The following MYO3A variants were observed in gnomAD, a reference collection of about 807,000 sequenced individuals.
MYO3A encodes the protein myosin IIIA.
In MYO3A, 180 loss-of-function variants were observed where a neutral mutation model predicts 192.7. The ratio of observed to expected loss-of-function variants is 0.93; its 90% CI spans 0.83 to 1.06. MYO3A has a LOEUF of 1.06. Ranked by LOEUF, MYO3A falls within the 50% of genes least tolerant of loss-of-function variation. The pLI is 0.00. For synonymous variants in MYO3A, 628 were observed against 645.3 expected, an observed-to-expected ratio of 0.97 and a Z score of 0.41; for missense variants, 1,896 against 1,905.0, an observed-to-expected ratio of 1.00 and a Z score of 0.09.
At chr10:26,037,925 C>G (rs1009602325) in intron 10 of MYO3A, among the ~76,000 whole-genome samples, 6 of 152,162 alleles carry the variant, frequency 3.9e-5, no homozygotes, top group Admixed American at 3.9e-4. Flanking sequence ...GTCCCTCCCC[C>G]CAACATTAGG....
At chr10:26,135,912 G>C (rs1348673386) in intron 20 of MYO3A, among the ~76,000 whole-genome samples, 3 of 147,186 alleles carry the variant, frequency 2.0e-5, no homozygotes, top group Non-Finnish European at 4.5e-5. Flanking sequence ...GTTGCAGTGA[G>C]CTGAGACTGG....
At chr10:26,007,394 G>A (rs1365928173) in intron 6 of MYO3A, among the ~76,000 whole-genome samples, 1 of 148,830 alleles carries the variant, frequency 6.7e-6, no homozygotes, top group Non-Finnish European at 1.5e-5. Flanking sequence ...CAATCAGGGA[G>A]GAGAAGGAAA....
intron 31 of MYO3A, 98 bp downstream of exon 31, chr10:26,176,943 G>T (rs1458549187): frequency 7.2e-7 from 1 of 1,393,384 alleles, no homozygotes; most frequent in Non-Finnish European, 1.0e-6. Flanking sequence ...GATTTGAGGA[G>T]CCTGTGTCCT....
At chr10:26,173,551 T>C in intron 29 of MYO3A, 112 bp from the exon 30 acceptor site, 1 of 959,390 alleles carries the variant, frequency 1.0e-6, no homozygotes, top group Non-Finnish European at 1.6e-6. Flanking sequence ...TTTTGAGCTT[T>C]CTTTGTTCCT....
At chr10:26,159,148 G>A (rs1228217673) in intron 26 of MYO3A, among the ~76,000 whole-genome samples, 1 of 150,914 alleles carries the variant, frequency 6.6e-6, no homozygotes, top group Non-Finnish European at 1.5e-5. Flanking sequence ...CCGCCACCAC[G>A]CCCGGCTAAT....
chr10:26,122,863 T>G (rs1249346201), intron 18 of MYO3A, among the ~76,000 whole-genome samples: 1 of 152,194 alleles, frequency 6.6e-6, no homozygotes, highest in Middle Eastern at 3.2e-3. Context: ...ATGCCTAGCA[T>G]GTAGTAGACA....
At chr10:26,160,702 G>A (rs17666893) in intron 26 of MYO3A, among the ~76,000 whole-genome samples, 14,676 of 152,138 alleles carry the variant, frequency 0.096, 785 homozygotes, top group Non-Finnish European at 0.12. Context: ...ACTTGAAGGA[G>A]GGTACGGCTT....
intron 1 of MYO3A, among the ~76,000 whole-genome samples, chr10:25,935,325 G>GA (rs1345074122): frequency 6.2e-4 from 94 of 152,072 alleles, no homozygotes; most frequent in Non-Finnish European, 5.9e-5. Flanking sequence ...CCCCCTTCCA[G>GA]AAAAAAAATT....
intron 10 of MYO3A, among the ~76,000 whole-genome samples, chr10:26,054,659 A>C (rs139088330): frequency 4.4e-4 from 67 of 152,356 alleles, no homozygotes; most frequent in African/African-American, 1.6e-3. Context: ...AAATATAATC[A>C]TAAGAGTCCT....
intron 26 of MYO3A, chr10:26,165,729 A>C: frequency 2.8e-6 from 1 of 354,172 alleles, no homozygotes; most frequent in Non-Finnish European, 5.2e-6. Context: ...GCAGTCCTGC[A>C]CTTTTTAGTG....
intron 12 of MYO3A, among the ~76,000 whole-genome samples, chr10:26,069,124 C>T (rs1246728631): frequency 1.3e-5 from 2 of 151,958 alleles, no homozygotes; most frequent in South Asian, 2.1e-4. Flanking sequence ...TTATTGGTAA[C>T]GGCTCTACAT....
intron 32 of MYO3A, among the ~76,000 whole-genome samples, chr10:26,198,337 C>T (rs754795796): frequency 7.9e-5 from 12 of 152,118 alleles, no homozygotes; most frequent in South Asian, 4.1e-4. Flanking sequence ...TAGCGGAGTG[C>T]GCATGGCCTG....
intron 10 of MYO3A, among the ~76,000 whole-genome samples, chr10:26,062,984 T>C (rs1187198254): frequency 1.3e-5 from 2 of 152,024 alleles, no homozygotes; most frequent in Non-Finnish European, 2.9e-5. Context: ...AGAGGGAAAA[T>C]AGATATTGGA....
In MYO3A at chr10:26,000,150, G is replaced by A. The variant is rs113618954; in HGVS notation, c.508+2892G>A. On this transcript the variant is annotated intron_variant, in intron 6 of 34. Transcript: ENST00000642920. ...CTTTTCCTTATGATCCTCCGTGCTG[G>A]AACAGAGTAAGCAACTAATGAGTAA... is the stretch of plus-strand genomic sequence containing the variant. 6.6e-5 allele frequency among the ~76,000 whole-genome samples: 10 copies of A among 152,198 alleles called. 1 individual carries two copies. Among genetic ancestry groups the A allele is most frequent in the African/African-American group, 2.4e-4 (10 of 41,528 alleles).
chr10:26,144,437 C>T (rs2096176), intron 21 of MYO3A, among the ~76,000 whole-genome samples: 62,370 of 150,746 alleles, frequency 0.41, 13,080 homozygotes, highest in Middle Eastern at 0.52. Context: ...CTTAATTTCT[C>T]CTCAAATTGG....
In MYO3A at chr10:25,956,878, C is replaced by T. The variant is rs536909058; in HGVS notation, c.303+1870C>T. ...GTTCCCATTAGTTATTTTTCCTGAT[C>T]CTCACCATCTTCCCACCCTCTACCA... On this transcript the variant is annotated intron_variant, in intron 4 of 34. Coordinates refer to ENST00000642920, the MANE Select transcript of MYO3A (RefSeq NM_017433.5). Among the ~76,000 whole-genome samples the T allele has an allele frequency of 5.9e-5, 9 of 152,150 alleles. 1 individual carries two copies. Among genetic ancestry groups the T allele is most frequent in the East Asian group, 5.8e-4 (3 of 5,174 alleles).
intron 26 of MYO3A, among the ~76,000 whole-genome samples, chr10:26,161,565 A>G (rs1452507232): frequency 6.6e-6 from 1 of 151,990 alleles, no homozygotes; most frequent in African/African-American, 2.4e-5. Context: ...TTGAATCCCA[A>G]CTCTGCCACT....
intron 6 of MYO3A, among the ~76,000 whole-genome samples, chr10:26,001,460 C>CA (rs1368416326): frequency 6.6e-6 from 1 of 152,212 alleles, no homozygotes; most frequent in Non-Finnish European, 1.5e-5. Context: ...AGCCAGAACT[C>CA]AGAGTGTTCT....
At chr10:26,123,068 T>A (rs973787769) in intron 18 of MYO3A, among the ~76,000 whole-genome samples, 1 of 152,054 alleles carries the variant, frequency 6.6e-6, no homozygotes, top group Non-Finnish European at 1.5e-5. Context: ...ATACTGTATA[T>A]CAGAATGAAT....
Sources: allele counts gnomAD v4.1 joint callset (sites outside exome capture counted in the v4.1 genomes callset), GRCh38; gene constraint gnomAD v4.1.1; transcripts MANE v1.5; gene names NCBI Gene and HGNC (gene_info 2026-07-23, HGNC 2026-07-21).